HAUS6: variants seen among roughly 807,000 people sequenced by gnomAD.
HAUS6 encodes the protein HAUS augmin like complex subunit 6, also known as HAUS augmin-like complex subunit 6.
Under a neutral mutation model 106.8 loss-of-function variants are expected in HAUS6, and 80 were observed. That is an observed-to-expected ratio of 0.75 (90% CI 0.63 to 0.90). The LOEUF (loss-of-function observed/expected upper bound fraction) is 0.90, where lower values mean the gene tolerates loss of function less well. Ranked by LOEUF, HAUS6 falls within the 40% of genes least tolerant of loss-of-function variation. HAUS6 has a pLI of 0.00. For synonymous variants in HAUS6, 356 were observed against 379.1 expected (o/e 0.94, Z 0.71); for missense variants, 1,155 against 1,118.1 (o/e 1.03, Z -0.47).
chr9:19,070,983 G>C (rs1836871386), intron 11 of HAUS6, among the ~76,000 whole-genome samples: 1 of 152,168 alleles, frequency 6.6e-6, no homozygotes, highest in Non-Finnish European at 1.5e-5. Context: ...AGCATGGTGG[G>C]AAATAAGATT....
chr9:19,086,238 G>C (rs1185537712), intron 7 of HAUS6, among the ~76,000 whole-genome samples: 1 of 151,938 alleles, frequency 6.6e-6, no homozygotes, highest in Admixed American at 6.6e-5. Flanking sequence ...TTGAACCCAG[G>C]AGGTGGAGGT....
At chr9:19,094,561 G>T (rs962498586) in intron 2 of HAUS6, among the ~76,000 whole-genome samples, 166 bp from the exon 3 acceptor site, 1 of 152,146 alleles carries the variant, frequency 6.6e-6, no homozygotes, top group East Asian at 1.9e-4. Context: ...GAAAGCCAAT[G>T]CAGACAGATC....
Position 19,058,792 on chromosome 9 carries a change from T to A in HAUS6, c.1975A>T (p.Ile659Phe), listed in dbSNP as rs748127295. Residue 659 changes from isoleucine (I) to phenylalanine (F), a missense_variant, in exon 16 of 17, where the codon ATT (isoleucine) becomes TTT (phenylalanine). Transcript: ENST00000380502. ...TGAGGCACACACTCGCAATCTGAAA[T>A]AACTTTCTCTTCAGTCAAATGAGAC... ...GQSHLTEEKV[I>F]SDCECVPQKH... 1.9e-6 allele frequency: 3 copies of A among 1,614,110 alleles called. No homozygotes were observed. The highest frequency in any genetic ancestry group is 2.7e-5 in the African/African-American group (2 of 74,938).
At chr9:19,056,895 C>A (rs561700336) in intron 16 of HAUS6, 2 of 155,058 alleles carry the variant, frequency 1.3e-5, no homozygotes, top group Admixed American at 1.3e-4. Context: ...GCCACTGTGC[C>A]CAGCCAAATA....
chr9:19,092,264 CTGGGAAATA>C (rs1362812812), intron 4 of HAUS6, among the ~76,000 whole-genome samples: 1 of 150,546 alleles, frequency 6.6e-6, no homozygotes, highest in Non-Finnish European at 1.5e-5. Flanking sequence ...CAAGACCAGC[CTGGGAAATA>C]TGGTGTAACC....
intron 12 of HAUS6, among the ~76,000 whole-genome samples, chr9:19,069,561 C>T (rs772408857): frequency 1.3e-5 from 2 of 151,984 alleles, no homozygotes; most frequent in Non-Finnish European, 2.9e-5. Context: ...TGGTGGCAGG[C>T]GCTTGTAATG....
intron 11 of HAUS6, among the ~76,000 whole-genome samples, chr9:19,071,178 A>C (rs1213578884): frequency 6.6e-6 from 1 of 152,238 alleles, no homozygotes; most frequent in East Asian, 1.9e-4. Context: ...TACAGAGGTA[A>C]AAAGTATATA....
chr9:19,058,575 T>G lies in HAUS6; in HGVS notation c.2192A>C (p.Glu731Ala), dbSNP rs757268773. The G allele has an allele frequency of 6.3e-7, 1 of 1,597,248 alleles. No individual in the cohort carries two copies. The highest frequency in any genetic ancestry group is 1.1e-5 in the South Asian group (1 of 90,292). ...RIDVMGGSEEEFMKILDHLEV... is the reference protein window; with the variant it reads ...RIDVMGGSEEAFMKILDHLEV... ...TAAGTGGTCCAATATTTTCATAAAC[T>G]CCTCTTCACTGCCACCCATCACATC... Residue 731 changes from glutamate to alanine, a missense_variant, in exon 16 of 17, where the codon GAG (glutamate) becomes GCG (alanine). Physicochemically the swap from Glu to Ala is moderately radical, Grantham distance 107 (BLOSUM62 -1). Transcript: ENST00000380502.
intron 2 of HAUS6, 116 bp from the exon 3 acceptor site, chr9:19,094,511 G>A (rs905946019): frequency 1.9e-5 from 12 of 635,234 alleles, no homozygotes; most frequent in Non-Finnish European, 3.3e-5. Flanking sequence ...TTAATGCATG[G>A]CCAAGCGCGG....
At position 19,102,559 on chromosome 9, in the gene HAUS6, G is replaced by A; in HGVS notation, c.93C>T (p.Ala31=). The change falls in exon 1 of 17, where the codon GCC becomes GCT. Residue 31 remains alanine (A), a synonymous_variant. Transcript: ENST00000380502. The part of the protein sequence containing the change: ...LGFEPGPATI[A]CGKIVSHTHL... ...GCGTGTGCGACACGATCTTTCCGCA[G>A]GCAATGGTTGCCGGGCCTGGCTCGA... 3 of 1,613,902 alleles carry A rather than the reference G, an allele frequency of 1.9e-6. No homozygotes were observed. Among genetic ancestry groups the A allele is most frequent in the South Asian group, 1.1e-5 (1 of 91,058 alleles).
At chr9:19,098,180 C>T (rs1817903153) in intron 1 of HAUS6, among the ~76,000 whole-genome samples, 1 of 152,204 alleles carries the variant, frequency 6.6e-6, no homozygotes, top group South Asian at 2.1e-4. Context: ...GCGGCTCACA[C>T]CTGTAATCCC....
rs180945554 is a variant in HAUS6 at position 19,082,421 on chromosome 9, A to C, written c.870+452T>G. Among the ~76,000 whole-genome samples the C allele has an allele frequency of 1.5e-5, 2 of 136,976 alleles. 1 individual carries two copies. The highest frequency in any genetic ancestry group is 3.1e-5 in the Non-Finnish European group (2 of 63,958). 89.9% of individuals were successfully genotyped at this position (136,976 alleles called of 152,430 possible). On this transcript the variant is annotated intron_variant, in intron 8 of 16. Coordinates refer to ENST00000380502, the MANE Select transcript of HAUS6 (RefSeq NM_017645.5). ...AAATATACACACCTTTAACAGTATC[A>C]CTCCTTATGAAAGTTTTACTAAACA...
At chr9:19,084,841 AG>A (rs1184823370) in intron 7 of HAUS6, among the ~76,000 whole-genome samples, 7 of 152,060 alleles carry the variant, frequency 4.6e-5, no homozygotes, top group Non-Finnish European at 1.0e-4. Flanking sequence ...CATGTTGGCC[AG>A]GCTGGCCTCA....
chr9:19,068,868 G>T (rs112406787), intron 12 of HAUS6, among the ~76,000 whole-genome samples: 33 of 151,982 alleles, frequency 2.2e-4, no homozygotes, highest in African/African-American at 7.2e-4. Flanking sequence ...TCCAAAATGG[G>T]ATAATAGAGA....
Position 19,063,049 on chromosome 9 carries a change from T to A in HAUS6, c.1588A>T (p.Ser530Cys), listed in dbSNP as rs1426696343. Reference sequence around the variant, plus strand: ...TCTTGCTCTTTTTGAAATGGATCACTTTTTTTAGCTGGCAAAGACCCTCCA... The same window carrying A: ...TCTTGCTCTTTTTGAAATGGATCACATTTTTTAGCTGGCAAAGACCCTCCA... ...AFGGSLPAKK[S>C]DPFQKEQDHL... The change falls in exon 14 of 17, where the codon AGT becomes TGT. Residue 530 changes from serine to cysteine, a missense_variant. By Grantham distance (112) the Ser-to-Cys change is moderately radical. Transcript: ENST00000380502. 1 of 1,608,278 alleles carries A rather than the reference T, an allele frequency of 6.2e-7. No individual in the cohort carries two copies. The highest frequency in any genetic ancestry group is 1.3e-5 in the African/African-American group (1 of 74,874).
intron 11 of HAUS6, among the ~76,000 whole-genome samples, chr9:19,075,258 G>A (rs1564012838): frequency 1.3e-5 from 2 of 152,206 alleles, no homozygotes; most frequent in Non-Finnish European, 2.9e-5. Context: ...GGGGGTGATA[G>A]CTAAAGGGTA....
chr9:19,064,084 CAGCCTCCTGAGT>C (rs1394904817), intron 12 of HAUS6, among the ~76,000 whole-genome samples: 1 of 152,006 alleles, frequency 6.6e-6, no homozygotes, highest in African/African-American at 2.4e-5. Context: ...TCTCCTGCCT[CAGCCTCCTGAGT>C]AGCTGGAATT....
At chr9:19,066,624 CACAGTGT>C (rs1836765599) in intron 12 of HAUS6, among the ~76,000 whole-genome samples, 3 of 152,054 alleles carry the variant, frequency 2.0e-5, no homozygotes, top group African/African-American at 7.2e-5. Flanking sequence ...TGCTAATGCT[CACAGTGT>C]ACAGCAAAGG....
chr9:19,090,433 C>T lies in HAUS6; in HGVS notation c.437-874G>A, dbSNP rs372228220. ...AGGCTGAAATGCAGTGGCGTGATCT[C>T]GGCTCACTGCAACCTCCGCCTCCAG... On this transcript the variant is annotated intron_variant, in intron 4 of 16. Transcript: ENST00000380502. Among the ~76,000 whole-genome samples, 8 of 152,260 alleles carry T rather than the reference C, an allele frequency of 5.3e-5. No individual in the cohort carries two copies. In the East Asian group the frequency reaches 9.7e-4, roughly 18 times the overall value.
Sources: allele counts gnomAD v4.1 joint callset (sites outside exome capture counted in the v4.1 genomes callset), GRCh38; gene constraint gnomAD v4.1.1; transcripts MANE v1.5; gene names NCBI Gene and HGNC (gene_info 2026-07-23, HGNC 2026-07-21).